Variants in FLYWCH1 observed in about 807,000 individuals in gnomAD.
FLYWCH1 encodes FLYWCH-type zinc finger 1, also known as FLYWCH-type zinc finger-containing protein 1.
FLYWCH1 carries 75 observed loss-of-function variants against 66.4 expected under a neutral mutation model. The ratio of observed to expected loss-of-function variants is 1.13; its 90% CI spans 0.94 to 1.37. The LOEUF is 1.37. Among genes scored for constraint, FLYWCH1 ranks in the 40% most tolerant of loss-of-function variants. FLYWCH1 has a pLI of 0.00. For missense variants in FLYWCH1, 1,334 were observed against 1,001.8 expected (o/e 1.33, Z -4.48); for synonymous variants, 595 against 429.9 (o/e 1.38, Z -4.75).
chr16:2,922,563 GTGTT>G, intron 2 of FLYWCH1: 1 of 315,010 alleles, frequency 3.2e-6, no homozygotes, highest in Non-Finnish European at 6.2e-6. Flanking sequence ...GAATCAGACA[GTGTT>G]TGTCCCCTTG....
intron 6 of FLYWCH1, 91 bp from the exon 7 acceptor site, chr16:2,937,030 T>G (rs2071033503): frequency 8.1e-7 from 1 of 1,239,432 alleles, no homozygotes; most frequent in Non-Finnish European, 1.0e-6. Flanking sequence ...GGAGGAGGTG[T>G]GGGCGTTGTG....
Position 2,929,940 on chromosome 16 carries a change from T to C in FLYWCH1, c.255T>C (p.Val85=). The change falls in exon 3 of 10, where the codon GTT becomes GTC. Residue 85 remains valine (V), a synonymous_variant. Transcript: ENST00000253928. The part of the protein sequence containing the change: ...TLASTLQILP[V]EEQGGVVQPA... Reference sequence around the variant, plus strand: ...CCAGCACCTTGCAGATCCTGCCAGTTGAGGAGCAGGGAGGGGTGGTCCAGC... The same window carrying C: ...CCAGCACCTTGCAGATCCTGCCAGTCGAGGAGCAGGGAGGGGTGGTCCAGC... 1.9e-6 allele frequency: 3 copies of C among 1,613,532 alleles called. No homozygotes were observed. The African/African-American group carries it at 4.0e-5, about 22-fold the overall frequency.
chr16:2,942,935 C>G (rs1388696302), intron 9 of FLYWCH1, among the ~76,000 whole-genome samples: 2 of 151,698 alleles, frequency 1.3e-5, no homozygotes, highest in East Asian at 3.9e-4. Context: ...CTCCCGACCT[C>G]AAGTGATCCA....
intron 2 of FLYWCH1, chr16:2,923,002 G>T: frequency 6.2e-6 from 3 of 486,642 alleles, no homozygotes; most frequent in Non-Finnish European, 1.2e-5. Context: ...CGGGTGACGC[G>T]CGGATCTTTT....
chr16:2,937,362 C>A lies in FLYWCH1; in HGVS notation c.1755C>A (p.Asn585Lys). The change falls in exon 7 of 10, where the codon AAC (asparagine) becomes AAA (lysine). Residue 585 changes from asparagine (N) to lysine (K), a missense_variant. Physicochemically the swap from Asn to Lys is moderately conservative, Grantham distance 94. Coordinates refer to ENST00000253928, the MANE Select transcript of FLYWCH1 (RefSeq NM_001308068.2). ...TGCGGCAGCGGGAGCACTTCCCCAA[C>A]CTGGCGCAGTGGGACAGCCCAGGTG... Reference protein sequence around the residue: ...EALRQREHFPNLAQWDSPDPL... With the variant: ...EALRQREHFPKLAQWDSPDPL... 1.3e-6 allele frequency: 2 copies of A among 1,582,180 alleles called. No individual in the cohort carries two copies. Among genetic ancestry groups the A allele is most frequent in the African/African-American group, 1.3e-5 (1 of 74,482 alleles).
chr16:2,944,834 AAATTT>A (rs1414584052), intron 9 of FLYWCH1, among the ~76,000 whole-genome samples: 1 of 141,422 alleles, frequency 7.1e-6, no homozygotes, highest in Non-Finnish European at 1.6e-5. Flanking sequence ...AAAAAAAAAA[AAATTT>A]TTTTTAACTG....
rs1266859505 is a variant in FLYWCH1, at chr16:2,918,340, G to A, written c.-74+4051G>A. On this transcript the variant is annotated intron_variant, in intron 2 of 9. Transcript: ENST00000253928. ...TTTTTTGTATTTTTAGTAGAGACGG[G>A]GTTTCACCGTGTTAGCCAGGATGGT... is the stretch of plus-strand genomic sequence containing the variant. 2.6e-5 allele frequency among the ~76,000 whole-genome samples: 4 copies of A among 151,994 alleles called. No homozygotes were observed. The South Asian group carries it at 8.3e-4, about 31-fold the overall frequency.
At chr16:2,932,243 C>G (rs1047890830) in intron 4 of FLYWCH1, among the ~76,000 whole-genome samples, 6 of 143,766 alleles carry the variant, frequency 4.2e-5, no homozygotes, top group Non-Finnish European at 9.0e-5. Flanking sequence ...TGTACTCCAG[C>G]CTGGGCGACG....
At chr16:2,925,868 T>C (rs1164536063) in intron 2 of FLYWCH1, among the ~76,000 whole-genome samples, 1 of 151,264 alleles carries the variant, frequency 6.6e-6, no homozygotes, top group East Asian at 1.9e-4. Context: ...CCTTCGGGAG[T>C]GGAATGTGGG....
chr16:2,948,558 G>C (rs528790343), intron 9 of FLYWCH1, 130 bp from the exon 10 acceptor site: 2 of 938,634 alleles, frequency 2.1e-6, no homozygotes, highest in African/African-American at 1.6e-5. Context: ...GCAAGATTCC[G>C]TCTCAAAAAT....
rs1173747852 is a variant in FLYWCH1 at position 2,930,742 on chromosome 16, G to A, written c.658G>A (p.Gly220Ser). 6.4e-7 allele frequency: 1 copy of A among 1,557,466 alleles called. No individual in the cohort carries two copies. Among genetic ancestry groups the A allele is most frequent in the African/African-American group, 1.4e-5 (1 of 73,630 alleles). Residue 220 changes from glycine to serine, a missense_variant, in exon 4 of 10, where the codon GGC becomes AGC. Gly to Ser is a moderately conservative substitution (Grantham distance 56). Transcript: ENST00000253928. ...AGTGGAGGAGCCCCTGGAGGGGGTG[G>A]GCCCGTGGCAGTGCCCTGAGGAGCC... ...GRVEEPLEGVGPWQCPEEPEP... is the reference protein window; with the variant it reads ...GRVEEPLEGVSPWQCPEEPEP...
Position 2,920,304 on chromosome 16 carries a change from G to C in FLYWCH1, c.-74+6015G>C, listed in dbSNP as rs199933963. ...GCAGGTAGGTAACTAGAGGCCAGGA[G>C]TTCGAGACCAGCCTGGCCAAAATGG... On this transcript the variant is annotated intron_variant, in intron 2 of 9. Coordinates refer to ENST00000253928, the MANE Select transcript of FLYWCH1 (RefSeq NM_001308068.2). Among the ~76,000 whole-genome samples, 10 of 152,122 alleles carry C rather than the reference G, an allele frequency of 6.6e-5. No homozygotes were observed. The East Asian group carries it at 1.9e-3, about 29-fold the overall frequency.
chr16:2,936,365 TGCCTCCCGA>T (rs766411345), intron 6 of FLYWCH1: 79 of 456,334 alleles, frequency 1.7e-4, no homozygotes, highest in Non-Finnish European at 3.1e-4. Context: ...AGGGTCCTCC[TGCCTCCCGA>T]GCCTCCCTGC....
At chr16:2,925,640 G>A (rs1352903643) in intron 2 of FLYWCH1, among the ~76,000 whole-genome samples, 2 of 151,956 alleles carry the variant, frequency 1.3e-5, no homozygotes, top group African/African-American at 4.8e-5. Context: ...CTGCTCGAGA[G>A]GCGCCTGCGA....
At chr16:2,917,739 CAGG>C in intron 2 of FLYWCH1, among the ~76,000 whole-genome samples, 1 of 152,254 alleles carries the variant, frequency 6.6e-6, no homozygotes, top group East Asian at 1.9e-4. Flanking sequence ...CTATCAGTAT[CAGG>C]AGGATTTGTG....
chr16:2,934,501 G>A (rs2150969165), intron 6 of FLYWCH1: 1 of 383,474 alleles, frequency 2.6e-6, no homozygotes, highest in Non-Finnish European at 5.2e-6. Flanking sequence ...CCCCCGCAGT[G>A]CCTGGTGTTT....
intron 2 of FLYWCH1, among the ~76,000 whole-genome samples, chr16:2,919,893 C>T (rs2070308747): frequency 6.6e-6 from 1 of 152,108 alleles, no homozygotes; most frequent in African/African-American, 2.4e-5. Flanking sequence ...ATTTGCGCTT[C>T]CCCCGTGACG....
intron 2 of FLYWCH1, among the ~76,000 whole-genome samples, chr16:2,917,528 C>T (rs72770820): frequency 1.3e-5 from 2 of 151,476 alleles, no homozygotes; most frequent in Non-Finnish European, 2.9e-5. Context: ...CATGCCCGGC[C>T]GTTAATGATT....
rs192653353 is a variant in FLYWCH1, at chr16:2,917,043, C to T, written c.-74+2754C>T. On this transcript the variant is annotated intron_variant, in intron 2 of 9. Transcript: ENST00000253928. Reference sequence around the variant, plus strand: ...TGGTAGCGCGCACCTGTAATCCCAGCTACTTGGGAGGCTGAGGCAGGAGAA... The same window carrying T: ...TGGTAGCGCGCACCTGTAATCCCAGTTACTTGGGAGGCTGAGGCAGGAGAA... Among the ~76,000 whole-genome samples, 379 of 150,898 alleles carry T rather than the reference C, an allele frequency of 2.5e-3. 1 individual carries two copies. Among genetic ancestry groups the T allele is most frequent in the African/African-American group, 8.5e-3 (349 of 41,134 alleles).
Sources: allele counts gnomAD v4.1 joint callset (sites outside exome capture counted in the v4.1 genomes callset), GRCh38; gene constraint gnomAD v4.1.1; transcripts MANE v1.5; gene names NCBI Gene and HGNC (gene_info 2026-07-23, HGNC 2026-07-21).